The following RACGAP1 variants were observed in gnomAD, a reference collection of about 807,000 sequenced individuals.
RACGAP1 encodes the protein rac GTPase-activating protein 1.
In RACGAP1, 30 loss-of-function variants were observed where a neutral mutation model predicts 78.1. The observed-to-expected ratio is 0.38, with a 90% confidence interval of 0.29 to 0.52. The LOEUF is 0.52. Ranked by LOEUF, RACGAP1 falls within the 20% of genes least tolerant of loss-of-function variation. The pLI is 0.82. For synonymous variants in RACGAP1, 231 were observed against 264.8 expected (o/e 0.87, Z 1.24); for missense variants, 587 against 777.1 (o/e 0.76, Z 2.91).
chr12:50,006,498 G>A lies in RACGAP1; in HGVS notation c.224C>T (p.Ala75Val). ...GATCTCTACATCCACCTGATTACGTGCATGCTTCAGCTTAACATCCAGAGC... is the reference window on the plus strand; with the variant it reads ...GATCTCTACATCCACCTGATTACGTACATGCTTCAGCTTAACATCCAGAGC... ...RSALDVKLKHARNQVDVEIKR... is the reference protein window; with the variant it reads ...RSALDVKLKHVRNQVDVEIKR... Residue 75 changes from alanine to valine, a missense_variant, in exon 3 of 17, where the codon GCA becomes GTA. By Grantham distance (64) the Ala-to-Val change is moderately conservative (BLOSUM62 0). Transcript: ENST00000312377. 2 of 1,614,160 alleles carry A rather than the reference G, an allele frequency of 1.2e-6. No individual in the cohort carries two copies. The highest frequency in any genetic ancestry group is 1.7e-6 in the Non-Finnish European group (2 of 1,180,026).
In RACGAP1 at chr12:50,013,403, A is replaced by G. The variant is rs1304720075; in HGVS notation, c.85+3228T>C. Among the ~76,000 whole-genome samples, 6 of 152,298 alleles carry G rather than the reference A, an allele frequency of 3.9e-5. No individual in the cohort carries two copies. In the East Asian group the frequency reaches 9.6e-4, roughly 24 times the overall value. ...CACTAGTTATCAACACTCTTAAACC[A>G]CAGATTCTTCCCTCTGCCCCCATAT... On this transcript the variant is annotated intron_variant, in intron 2 of 16. Transcript: ENST00000312377.
At chr12:50,025,530 C>G (rs1950242743), upstream of RACGAP1, 7 of 985,508 alleles carry the variant, frequency 7.1e-6, no homozygotes, top group Non-Finnish European at 7.2e-6. Flanking sequence ...TTATTCCTCC[C>G]GCGCCGTCCC....
At chr12:50,006,123 TG>T (rs756220466) in intron 3 of RACGAP1, among the ~76,000 whole-genome samples, 6 of 152,206 alleles carry the variant, frequency 3.9e-5, no homozygotes, top group Non-Finnish European at 7.3e-5. Flanking sequence ...GCCAATAACT[TG>T]TGACAGATCA....
chr12:50,015,682 G>C (rs1257759282), intron 2 of RACGAP1, among the ~76,000 whole-genome samples: 1 of 151,370 alleles, frequency 6.6e-6, no homozygotes, highest in African/African-American at 2.4e-5. Flanking sequence ...GGCGCCTGTA[G>C]TCCCAGCTAC....
Position 50,015,989 on chromosome 12 carries a change from C to A in RACGAP1, c.85+642G>T, listed in dbSNP as rs1003286619. Among the ~76,000 whole-genome samples, 5 of 151,736 alleles carry A rather than the reference C, an allele frequency of 3.3e-5. No homozygotes were observed. In the South Asian group the frequency reaches 8.3e-4, roughly 25 times the overall value. On this transcript the variant is annotated intron_variant, in intron 2 of 16. Coordinates refer to ENST00000312377, the MANE Select transcript of RACGAP1 (RefSeq NM_001319999.2). ...AAGAAAATCCAGGATAAAAAAAAGA[C>A]AACTACTACTCTAAAGAAAAAAGCA...
Position 49,994,486 on chromosome 12 carries a change from G to C in RACGAP1, c.1068C>G (p.Ser356=), listed in dbSNP as rs1192553677. The C allele has an allele frequency of 8.1e-6, 13 of 1,613,332 alleles. No homozygotes were observed. The Admixed American group carries it at 1.2e-4, about 14-fold the overall frequency. The change falls in exon 11 of 17, where the codon TCC becomes TCG. Residue 356 remains serine (S), a synonymous_variant. Transcript: ENST00000312377. The part of the protein sequence containing the change: ...IGEGMLADFV[S]QTSPMIPSIV... ...TGGAGGGGATCATTGGAGAAGTCTG[G>C]GACACAAAGTCTGCCAGCATTCCCT...
chr12:49,996,137 C>CCCCG (rs1318848746), intron 10 of RACGAP1, among the ~76,000 whole-genome samples: 1 of 151,724 alleles, frequency 6.6e-6, no homozygotes, highest in African/African-American at 2.4e-5. Context: ...CATGGCAAAA[C>CCCCG]CCCGTCTCTA....
chr12:49,994,360 A>T (rs1190511993), intron 11 of RACGAP1, 31 bp from the exon 12 acceptor site: 2 of 1,612,302 alleles, frequency 1.2e-6, no homozygotes, highest in Admixed American at 1.7e-5. Context: ...TTATTTAAAA[A>T]CCTCCGAATT....
chr12:50,010,375 G>A (rs1052067995), intron 2 of RACGAP1, among the ~76,000 whole-genome samples: 5 of 149,286 alleles, frequency 3.3e-5, no homozygotes, highest in African/African-American at 1.2e-4. Flanking sequence ...CCAGGCTGTA[G>A]TGCAATGACA....
chr12:49,995,411 G>C (rs185184136), intron 10 of RACGAP1, among the ~76,000 whole-genome samples: 296 of 152,040 alleles, frequency 1.9e-3, no homozygotes, highest in Non-Finnish European at 2.0e-3. Flanking sequence ...GAACTTGTAA[G>C]ATCAGGGGAA....
At chr12:50,017,322 G>A (rs771134004) in intron 1 of RACGAP1, among the ~76,000 whole-genome samples, 14 of 152,148 alleles carry the variant, frequency 9.2e-5, no homozygotes, top group African/African-American at 2.2e-4. Flanking sequence ...CAGGAACTAC[G>A]TCTAATAAAT....
In RACGAP1 at chr12:50,003,451, G is replaced by C. The variant is rs530414022; in HGVS notation, c.495+784C>G. Among the ~76,000 whole-genome samples the C allele has an allele frequency of 2.0e-5, 3 of 152,230 alleles. No homozygotes were observed. In the East Asian group the frequency reaches 5.8e-4, roughly 29 times the overall value. ...TAATATTTTTATCTATAAAATGGCC[G>C]TATTTTCCCTGGTCAAACACTGAAT... On this transcript the variant is annotated intron_variant, in intron 5 of 16. Coordinates refer to ENST00000312377, the MANE Select transcript of RACGAP1 (RefSeq NM_001319999.2).
At chr12:49,991,610 G>A (rs1947885578) in intron 15 of RACGAP1, among the ~76,000 whole-genome samples, 1 of 145,412 alleles carries the variant, frequency 6.9e-6, no homozygotes, top group African/African-American at 2.5e-5. Context: ...TGCCTCAGCC[G>A]CCCTGGTAGC....
chr12:50,009,184 A>T (rs888605039), intron 2 of RACGAP1, among the ~76,000 whole-genome samples: 3 of 147,394 alleles, frequency 2.0e-5, no homozygotes, highest in African/African-American at 7.6e-5. Context: ...CAGAAGTCGC[A>T]GTGAGCTGAG....
Position 50,001,177 on chromosome 12 carries a change from C to T in RACGAP1, c.625G>A (p.Asp209Asn), listed in dbSNP as rs368198080. 1.4e-5 allele frequency: 22 copies of T among 1,598,862 alleles called. No individual in the cohort carries two copies. The African/African-American group carries it at 2.4e-4, about 18-fold the overall frequency. The stretch of plus-strand genomic sequence containing the variant: ...CTTGGCCTGACTATTCTTACCTGGT[C>T]TACTGCAGAGCCAATGGAACGAGTT... The part of the protein sequence containing the change: ...KKTRSIGSAV[D>N]QGNESIVAKT... The change falls in exon 7 of 17, where the codon GAC becomes AAC. Residue 209 changes from aspartate to asparagine, a missense_variant. By Grantham distance (23) the Asp-to-Asn change is conservative. Coordinates refer to ENST00000312377, the MANE Select transcript of RACGAP1 (RefSeq NM_001319999.2).
chr12:50,025,793 C>T (rs920293285), upstream of RACGAP1, among the ~76,000 whole-genome samples: 1 of 152,054 alleles, frequency 6.6e-6, no homozygotes, highest in East Asian at 1.9e-4. Flanking sequence ...CCCTTGGAAA[C>T]GATTAACTGA....
At position 50,005,372 on chromosome 12, in the gene RACGAP1, A is replaced by C. The variant is rs1948912548; in HGVS notation, c.309T>G (p.Ile103Met). ...ATGTGTCACACATGAGCATCTCTCG[A>C]ATCAGCTGAATCTGTCGTTCCTACA... The part of the protein sequence containing the change: ...CEKLERQIQL[I>M]REMLMCDTSG... The change falls in exon 4 of 17, where the codon ATT becomes ATG. Residue 103 changes from isoleucine (I) to methionine (M), a missense_variant. Ile to Met is a conservative substitution (Grantham distance 10, BLOSUM62 1). Coordinates refer to ENST00000312377, the MANE Select transcript of RACGAP1 (RefSeq NM_001319999.2). The C allele has an allele frequency of 6.2e-7, 1 of 1,614,162 alleles. No individual in the cohort carries two copies. The highest frequency in any genetic ancestry group is 8.5e-7 in the Non-Finnish European group (1 of 1,180,018).
At chr12:50,010,542 C>A (rs1476345545) in intron 2 of RACGAP1, among the ~76,000 whole-genome samples, 12 of 151,942 alleles carry the variant, frequency 7.9e-5, no homozygotes, top group Non-Finnish European at 1.3e-4. Context: ...TCAGACTGGT[C>A]TTGAACTCCT....
chr12:50,020,341 C>T (rs1949938356), intron 1 of RACGAP1, among the ~76,000 whole-genome samples: 1 of 20,368 alleles, frequency 4.9e-5, no homozygotes, highest in South Asian at 0.011. Flanking sequence ...CCAGGCCCAG[C>T]TAATTTTTTT....
Sources: allele counts gnomAD v4.1 joint callset (sites outside exome capture counted in the v4.1 genomes callset), GRCh38; gene constraint gnomAD v4.1.1; transcripts MANE v1.5; gene names NCBI Gene and HGNC (gene_info 2026-07-23, HGNC 2026-07-21).